Variants in TTC6 observed in about 807,000 individuals in gnomAD.
TTC6 encodes tetratricopeptide repeat domain 6.
TTC6 carries 172 observed loss-of-function variants against 210.4 expected under a neutral mutation model. That is an observed-to-expected ratio of 0.82 (90% CI 0.72 to 0.93). The LOEUF is 0.93. TTC6 is among the 40% of genes least tolerant of loss of function. The pLI is 0.00. For missense variants in TTC6, 2,414 were observed against 2,318.1 expected, an observed-to-expected ratio of 1.04 and a Z score of -0.85; for synonymous variants, 804 against 819.6, an observed-to-expected ratio of 0.98 and a Z score of 0.32.
chr14:37,705,335 T>A (rs1358079335), intron 5 of TTC6, among the ~76,000 whole-genome samples: 5 of 151,288 alleles, frequency 3.3e-5, no homozygotes, highest in African/African-American at 1.2e-4. Context: ...TTTTTGATTA[T>A]TTTTTTACAA....
intron 14 of TTC6, among the ~76,000 whole-genome samples, chr14:37,783,022 C>T (rs1357339070): frequency 6.6e-5 from 10 of 152,114 alleles, no homozygotes; most frequent in African/African-American, 1.4e-4. Flanking sequence ...CTGCTGGATT[C>T]GGTTTGCCAG....
intron 29 of TTC6, among the ~76,000 whole-genome samples, chr14:37,830,250 G>T (rs1229006077): frequency 2.0e-5 from 3 of 151,930 alleles, no homozygotes; most frequent in Non-Finnish European, 4.4e-5. Flanking sequence ...AAAGCAACTT[G>T]CTCTTTTTTG....
At chr14:37,703,541 A>G (rs1326757432) in intron 5 of TTC6, among the ~76,000 whole-genome samples, 1 of 152,184 alleles carries the variant, frequency 6.6e-6, no homozygotes, top group Non-Finnish European at 1.5e-5. Context: ...ACTGTAAACA[A>G]AATGAATACC....
At position 37,806,370 on chromosome 14, in the gene TTC6, TC is replaced by T. The variant is rs755666927; in HGVS notation, c.4175del (p.Ser1392PhefsTer6). On this transcript the variant is annotated frameshift_variant, in exon 22 of 31. Transcript: ENST00000553443. LOFTEE classifies it high-confidence loss of function. ...CAATATGCTCCTGTAGGCTTTTGAT[TC>T]TTTTACAAAAGCTGTGAAAGCAAAT... The T allele has an allele frequency of 6.5e-7, 1 of 1,535,380 alleles. No homozygotes were observed. The highest frequency in any genetic ancestry group is 1.2e-5 in the South Asian group (1 of 84,006).
At chr14:37,769,148 A>G (rs1254599524) in intron 14 of TTC6, among the ~76,000 whole-genome samples, 1 of 151,598 alleles carries the variant, frequency 6.6e-6, no homozygotes, top group Non-Finnish European at 1.5e-5. Context: ...CCCAGGGATG[A>G]AGCCCACTTG....
Position 37,785,042 on chromosome 14 carries a change from G to A in TTC6, c.3267-2426G>A, listed in dbSNP as rs577112650. ...GTGGGTAACCTGAACTTTCTCTTTG[G>A]CTGCACTTAAGATTTTTTCCTTCAT... is the stretch of plus-strand genomic sequence containing the variant. On this transcript the variant is annotated intron_variant, in intron 14 of 30. Transcript: ENST00000553443. 2.0e-5 allele frequency among the ~76,000 whole-genome samples: 3 copies of A among 152,196 alleles called. No homozygotes were observed. The East Asian group carries it at 5.8e-4, about 29-fold the overall frequency.
At chr14:37,603,337 T>G (rs1252866108) in intron 1 of TTC6, among the ~76,000 whole-genome samples, 4 of 152,170 alleles carry the variant, frequency 2.6e-5, no homozygotes, top group African/African-American at 9.7e-5. Context: ...TCTGGAGTAG[T>G]GGCTGGCATG....
exon 1 of TTC6, chr14:37,622,335 C>A: frequency 1.3e-6 from 2 of 1,532,904 alleles, no homozygotes; most frequent in Non-Finnish European, 1.7e-6. Context: ...CGCCCTCCTG[C>A]AGGAGGTGCT....
At chr14:37,733,772 A>C (rs910848157) in intron 7 of TTC6, among the ~76,000 whole-genome samples, 3 of 152,022 alleles carry the variant, frequency 2.0e-5, no homozygotes, top group Non-Finnish European at 4.4e-5. Context: ...AATTTTTAGT[A>C]ATCTCTATCC....
intron 6 of TTC6, among the ~76,000 whole-genome samples, chr14:37,717,661 T>G (rs2095854864): frequency 6.6e-6 from 1 of 152,148 alleles, no homozygotes; most frequent in South Asian, 2.1e-4. Flanking sequence ...ATACAATCTC[T>G]TTCAGAAAAT....
intron 1 of TTC6, among the ~76,000 whole-genome samples, chr14:37,638,725 T>C (rs1011936167): frequency 6.6e-6 from 1 of 152,210 alleles, no homozygotes; most frequent in Admixed American, 6.5e-5. Context: ...TATTGTATTA[T>C]AGTTTTGCAC....
At chr14:37,669,839 G>A (rs933078284) in intron 1 of TTC6, among the ~76,000 whole-genome samples, 1 of 152,080 alleles carries the variant, frequency 6.6e-6, no homozygotes, top group Non-Finnish European at 1.5e-5. Flanking sequence ...GCTTACTCTT[G>A]AGGCTCTGAA....
At chr14:37,796,477 T>C (rs2096092963) in intron 19 of TTC6, 107 bp downstream of exon 21, 3 of 544,386 alleles carry the variant, frequency 5.5e-6, no homozygotes. Flanking sequence ...GAAAGTCAAA[T>C]TAGATTTTCA....
rs145259802 is a variant in TTC6, at chr14:37,702,474, C to T, written c.1571+948C>T. On this transcript the variant is annotated intron_variant, in intron 5 of 30. Transcript: ENST00000553443. ...CACACTGTGCTCCCCCGACCCAAAGCACCAATTTTTACCTCCTGGGAGGGA... is the reference window on the plus strand; with the variant it reads ...CACACTGTGCTCCCCCGACCCAAAGTACCAATTTTTACCTCCTGGGAGGGA... Among the ~76,000 whole-genome samples the T allele has an allele frequency of 2.7e-3, 413 of 152,246 alleles. 2 individuals carry two copies. The highest frequency in any genetic ancestry group is 9.6e-3 in the African/African-American group (397 of 41,542).
intron 1 of TTC6, among the ~76,000 whole-genome samples, chr14:37,653,953 C>T (rs531737389): frequency 6.6e-6 from 1 of 152,244 alleles, no homozygotes; most frequent in African/African-American, 2.4e-5. Context: ...TACTGTCTAT[C>T]GAGTCATGTC....
chr14:37,787,784 G>A (rs892511385), intron 15 of TTC6, 147 bp downstream of exon 17: 1 of 557,460 alleles, frequency 1.8e-6, no homozygotes, highest in Non-Finnish European at 2.8e-6. Context: ...TATTACATGA[G>A]CTTACGCATT....
intron 4 of TTC6, among the ~76,000 whole-genome samples, chr14:37,700,650 G>C (rs991300725): frequency 6.8e-6 from 1 of 146,336 alleles, no homozygotes; most frequent in African/African-American, 2.5e-5. Context: ...GGCTGAGGCA[G>C]GAGAATCACT....
chr14:37,837,851 AATAGAGGACAGATCTTCGGGAAAC>A (rs1306541829), intron 29 of TTC6, among the ~76,000 whole-genome samples: 1 of 152,178 alleles, frequency 6.6e-6, no homozygotes, highest in Non-Finnish European at 1.5e-5. Flanking sequence ...GATGGAAGTG[AATAGAGGACAGATCTTCGGGAAAC>A]ATAGAGGAAA....
At chr14:37,686,544 A>G (rs1473008132) in intron 3 of TTC6, among the ~76,000 whole-genome samples, 3 of 152,196 alleles carry the variant, frequency 2.0e-5, no homozygotes, top group African/African-American at 7.2e-5. Flanking sequence ...GTCTGTTTTC[A>G]TGCTGCTGAT....
Sources: gnomAD v4.1 joint callset for allele counts (sites outside exome capture counted in the v4.1 genomes callset) on GRCh38, gnomAD v4.1.1 for gene constraint, MANE v1.5 for transcripts, NCBI Gene and HGNC (gene_info 2026-07-23, HGNC 2026-07-21) for gene names.